The following FASN variants were observed in gnomAD, a reference collection of about 807,000 sequenced individuals.
FASN encodes fatty acid synthase, also known as 3-hydroxyacyl-[acyl-carrier-protein] dehydratase.
Under a neutral mutation model 250.0 loss-of-function variants are expected in FASN, and 50 were observed. That is an observed-to-expected ratio of 0.20 (90% CI 0.16 to 0.25). The LOEUF (loss-of-function observed/expected upper bound fraction) is 0.25, where lower values mean the gene tolerates loss of function less well. Ranked by LOEUF, FASN falls within the 10% of genes least tolerant of loss-of-function variation. FASN has a pLI of 1.00. For missense variants in FASN, 3,031 were observed against 3,498.5 expected, an observed-to-expected ratio of 0.87 and a Z score of 3.37; for synonymous variants, 1,909 against 1,584.0, an observed-to-expected ratio of 1.21 and a Z score of -4.87.
chr17:82,087,892 G>A (rs1598579114), intron 18 of FASN, 31 bp from the exon 19 acceptor site: 1 of 1,612,460 alleles, frequency 6.2e-7, no homozygotes, highest in Non-Finnish European at 8.5e-7. Flanking sequence ...AAGGGCCTGA[G>A]GACGGGCGGC....
Position 82,088,035 on chromosome 17 carries a change from C to T in FASN, c.2786-1G>A. ...AGCCGTACCTCCAGGGACACTGTCC[C>T]TGCAGAGCGGGAGAGTTGGAGATCA... On this transcript the variant is annotated splice_acceptor_variant, in intron 17 of 42. Transcript: ENST00000306749. LOFTEE classifies it high-confidence loss of function. 2 of 1,612,784 alleles carry T rather than the reference C, an allele frequency of 1.2e-6. No homozygotes were observed. Among genetic ancestry groups the T allele is most frequent in the Non-Finnish European group, 1.7e-6 (2 of 1,179,982 alleles).
Position 82,088,125 on chromosome 17 carries a change from G to A in FASN, c.2776C>T (p.Pro926Ser). Residue 926 changes from proline to serine, a missense_variant, in exon 17 of 43, where the codon CCC (proline) becomes TCC (serine). Coordinates refer to ENST00000306749, the MANE Select transcript of FASN (RefSeq NM_004104.5). ...DVVLHQATILPKTGTVSLEVR... is the reference protein window; with the variant it reads ...DVVLHQATILSKTGTVSLEVR... The stretch of plus-strand genomic sequence containing the variant: ...CTGGGGTACCCCTCACCAGTCTTGG[G>A]CAGGATGGTGGCCTGGTGCAGCACC... 12 of 1,612,782 alleles carry A rather than the reference G, an allele frequency of 7.4e-6. No individual in the cohort carries two copies. The highest frequency in any genetic ancestry group is 9.3e-6 in the Non-Finnish European group (11 of 1,179,982).
intron 1 of FASN, chr17:82,097,185 G>C (rs976620613): frequency 6.5e-6 from 1 of 154,646 alleles, no homozygotes; most frequent in African/African-American, 2.4e-5. Flanking sequence ...CTCCTGGCCA[G>C]GACACGCAGG....
chr17:82,078,872 C>T lies in FASN; in HGVS notation c.*271G>A, dbSNP rs2033936150. 1 of 575,924 alleles carries T rather than the reference C, an allele frequency of 1.7e-6. No homozygotes were observed. The highest frequency in any genetic ancestry group is 1.9e-5 in the African/African-American group (1 of 53,324). 35.7% of individuals were successfully genotyped at this position (575,924 alleles called of 1,614,324 possible). ...GCGCAGACCCCACGGGCGCACGAGG[C>T]CCAGCCCAGTTCCTGCGGGCACGGG... is the stretch of plus-strand genomic sequence containing the variant. On this transcript the variant is annotated 3_prime_UTR_variant, in exon 43 of 43. Transcript: ENST00000306749. The surrounding 1 kb of genome is among the most constrained non-coding windows in gnomAD (Gnocchi z 5.4).
In FASN at chr17:82,079,283, G is replaced by A; in HGVS notation, c.7399-3C>T. 1 of 1,613,018 alleles carries A rather than the reference G, an allele frequency of 6.2e-7. No individual in the cohort carries two copies. The highest frequency in any genetic ancestry group is 8.5e-7 in the Non-Finnish European group (1 of 1,179,936). On this transcript the variant is annotated splice_region_variant and splice_polypyrimidine_tract_variant and intron_variant, in intron 42 of 42. Coordinates refer to ENST00000306749, the MANE Select transcript of FASN (RefSeq NM_004104.5). ...ACGGATACTTTCCCGTCGCATACCT[G>A]CAGGGGATGCGATCAGCTGCCGTCC...
In FASN at chr17:82,078,525, C is replaced by T. The variant is rs185555023; in HGVS notation, c.*618G>A. 3.3e-3 allele frequency: 510 copies of T among 154,526 alleles called. 11 individuals are homozygous for T. Among genetic ancestry groups the T allele is most frequent in the Admixed American group, 0.02 (318 of 15,628 alleles). The allele number at this position is 154,526 out of a possible 1,614,324, so 9.6% of individuals were successfully genotyped here. On this transcript the variant is annotated 3_prime_UTR_variant, in exon 43 of 43. Transcript: ENST00000306749. The surrounding 1 kb of genome is among the most constrained non-coding windows in gnomAD (Gnocchi z 5.4). Reference sequence around the variant, plus strand: ...CACCAAACATGGAGTTGGTGCCCGGCGCCGGGCATAAGGGCAGCACCCCAC... The same window carrying T: ...CACCAAACATGGAGTTGGTGCCCGGTGCCGGGCATAAGGGCAGCACCCCAC...
chr17:82,081,041 G>C, intron 38 of FASN, 119 bp from the exon 39 acceptor site: 1 of 1,397,618 alleles, frequency 7.2e-7, no homozygotes, highest in Non-Finnish European at 9.8e-7. Context: ...AGTCGGGGTG[G>C]GAACGCTCAG....
chr17:82,092,604 G>T lies in FASN; in HGVS notation c.895-15C>A, dbSNP rs1280191031. 1 of 1,605,140 alleles carries T rather than the reference G, an allele frequency of 6.2e-7. No individual in the cohort carries two copies. Among genetic ancestry groups the T allele is most frequent in the Non-Finnish European group, 8.5e-7 (1 of 1,179,616 alleles). On this transcript the variant is annotated splice_polypyrimidine_tract_variant and intron_variant, in intron 7 of 42. Coordinates refer to ENST00000306749, the MANE Select transcript of FASN (RefSeq NM_004104.5). ...GGGTCGCCCACCTGTGGGAAACATG[G>T]GGGGTGAGGGGCTCTGGCCAGGTCA...
rs2034315016 is a variant in FASN at position 82,096,946 on chromosome 17, C to T, written c.-7-494G>A. On this transcript the variant is annotated intron_variant, in intron 1 of 42. Coordinates refer to ENST00000306749, the MANE Select transcript of FASN (RefSeq NM_004104.5). ...ATCAAAGAAATGGAGAGGCAGGGTCCCAAAGCCGGGGCATGGAGGTGGCTG... is the reference window on the plus strand; with the variant it reads ...ATCAAAGAAATGGAGAGGCAGGGTCTCAAAGCCGGGGCATGGAGGTGGCTG... The T allele has an allele frequency of 2.5e-5, 6 of 240,944 alleles. No homozygotes were observed. The South Asian group carries it at 3.0e-4, about 12-fold the overall frequency. The allele number at this position is 240,944 out of a possible 1,614,324, so 14.9% of individuals were successfully genotyped here. A position where few individuals can be genotyped will look rare whatever the true frequency, so the allele number is the denominator to read the frequency against.
chr17:82,092,529 G>A lies in FASN; in HGVS notation c.955C>T (p.Pro319Ser). The A allele has an allele frequency of 6.2e-7, 1 of 1,605,736 alleles. No homozygotes were observed. Among genetic ancestry groups the A allele is most frequent in the Non-Finnish European group, 8.5e-7 (1 of 1,178,642 alleles). The part of the protein sequence containing the change: ...TRALCATRQE[P>S]LLIGSTKSNM... ...GACTTGGTGGAGCCGATGAGCAGCG[G>A]CTCCTGGCGGGTGGCGCACAGGGCT... Residue 319 changes from proline (P) to serine (S), a missense_variant, in exon 8 of 43, where the codon CCG becomes TCG. Coordinates refer to ENST00000306749, the MANE Select transcript of FASN (RefSeq NM_004104.5).
In FASN at chr17:82,093,714, C is replaced by A. The variant is rs368154345; in HGVS notation, c.338G>T (p.Gly113Val). Residue 113 changes from glycine (G) to valine (V), a missense_variant, in exon 4 of 43, where the codon GGC (glycine) becomes GTC (valine). Gly to Val is a moderately radical substitution (Grantham distance 109). Coordinates refer to ENST00000306749, the MANE Select transcript of FASN (RefSeq NM_004104.5). ...THTGVWVGVS[G>V]SETSEALSRD... is the part of the protein sequence containing the mutation. Reference sequence around the variant, plus strand: ...GCTCAGGGCCTCCGAGGTCTCAGAGCCGCTCACGCCCACCCAGACGCCAGT... The same window carrying A: ...GCTCAGGGCCTCCGAGGTCTCAGAGACGCTCACGCCCACCCAGACGCCAGT... The A allele has an allele frequency of 1.9e-4, 305 of 1,612,628 alleles. No individual in the cohort carries two copies. The highest frequency in any genetic ancestry group is 2.5e-4 in the Non-Finnish European group (299 of 1,179,990).
chr17:82,091,739 A>G, intron 8 of FASN, 55 bp from the exon 9 acceptor site: 1 of 1,454,558 alleles, frequency 6.9e-7, no homozygotes, highest in Non-Finnish European at 9.3e-7. Context: ...CCACTGCCTG[A>G]GCTGGGGGCA....
rs45444299 is a variant in FASN at position 82,086,317 on chromosome 17, T to G, written c.3669A>C (p.Ala1223=). The G allele has an allele frequency of 4.1e-4, 662 of 1,602,444 alleles. 3 individuals are homozygous for G. In the African/African-American group the frequency reaches 8.1e-3, roughly 20 times the overall value. The stretch of plus-strand genomic sequence containing the variant: ...CGGCAGTGTCCAGGCAGGCCTTGAG[T>G]GCCGGGGAGTCCAGGAGGCCGCTGA... The part of the protein sequence containing the change: ...PLLSGLLDSP[A]LKACLDTAVE... The change falls in exon 22 of 43, where the codon GCA becomes GCC. Residue 1223 remains alanine (A), a synonymous_variant. Transcript: ENST00000306749.
chr17:82,083,671 C>A, intron 30 of FASN, 32 bp from the exon 31 acceptor site: 1 of 1,603,484 alleles, frequency 6.2e-7, no homozygotes, highest in East Asian at 2.2e-5. Flanking sequence ...ACAATCACAC[C>A]CACTGCAAGC....
At chr17:82,084,174 T>C in intron 28 of FASN, 21 bp from the exon 29 acceptor site, 1 of 1,605,086 alleles carries the variant, frequency 6.2e-7, no homozygotes, top group African/African-American at 1.3e-5. Flanking sequence ...AGCAGGTGGG[T>C]CAGCACAGGC....
In FASN at chr17:82,083,793, G is replaced by A. The variant is rs756687998; in HGVS notation, c.5197C>T (p.Leu1733=). ...TCACCCTTCCCGCCCGTGTGCCACAGCACATGCTGCTCGAAGGATGTGTCC... is the reference window on the plus strand; with the variant it reads ...TCACCCTTCCCGCCCGTGTGCCACAACACATGCTGCTCGAAGGATGTGTCC... ...SRDTSFEQHV[L]WHTGGKGVDL... The change falls in exon 30 of 43, where the codon CTG becomes TTG. Residue 1733 remains leucine, a synonymous_variant. Transcript: ENST00000306749. 2.5e-6 allele frequency: 4 copies of A among 1,611,222 alleles called. No homozygotes were observed. Among genetic ancestry groups the A allele is most frequent in the Non-Finnish European group, 3.4e-6 (4 of 1,179,604 alleles).
chr17:82,081,531 ACTG>A (rs752828233), intron 37 of FASN, 67 bp downstream of exon 37: 137 of 1,602,984 alleles, frequency 8.5e-5, no homozygotes, highest in Admixed American at 8.3e-4. Context: ...CAGGGGCACG[ACTG>A]CTATGTCCCA....
At chr17:82,095,648 G>A (rs566140000) in intron 2 of FASN, among the ~76,000 whole-genome samples, 176 bp from the exon 3 acceptor site, 9 of 152,352 alleles carry the variant, frequency 5.9e-5, no homozygotes, top group East Asian at 1.9e-4. Context: ...GCCCCAAAGC[G>A]GGGACTGGTA....
In FASN at chr17:82,081,346, C is replaced by G. The variant is rs867478422; in HGVS notation, c.6413G>C (p.Arg2138Pro). ...GTCCAGGTTGACAGCAGCCAAGTCG[C>G]GGATGCCTGGAAGGGATGCGCCGGG... Reference protein sequence around the residue: ...VEAVAHILGIRDLAAVNLDSS... With the variant: ...VEAVAHILGIPDLAAVNLDSS... The change falls in exon 38 of 43, where the codon CGC becomes CCC. Residue 2138 changes from arginine to proline, a missense_variant. Coordinates refer to ENST00000306749, the MANE Select transcript of FASN (RefSeq NM_004104.5). 1 of 1,559,074 alleles carries G rather than the reference C, an allele frequency of 6.4e-7. No homozygotes were observed. Among genetic ancestry groups the G allele is most frequent in the African/African-American group, 1.4e-5 (1 of 73,892 alleles).
Sources: allele counts gnomAD v4.1 joint callset (sites outside exome capture counted in the v4.1 genomes callset), GRCh38; gene constraint gnomAD v4.1.1; non-coding constraint Gnocchi (gnomAD v3.1); transcripts MANE v1.5; gene names NCBI Gene and HGNC (gene_info 2026-07-23, HGNC 2026-07-21).